Variants in TNFRSF21 observed in about 807,000 individuals in gnomAD.
TNFRSF21 encodes TNF receptor superfamily member 21.
In TNFRSF21, 19 loss-of-function variants were observed where a neutral mutation model predicts 45.6. That is an observed-to-expected ratio of 0.42 (90% CI 0.29 to 0.61). The LOEUF is 0.61. TNFRSF21 is among the 20% of genes least tolerant of loss of function. The pLI is 0.23. For synonymous variants in TNFRSF21, 314 were observed against 335.5 expected (o/e 0.94, Z 0.70); for missense variants, 737 against 851.5 (o/e 0.87, Z 1.67).
rs540713686 is a variant in TNFRSF21 at position 47,277,244 on chromosome 6, C to T, written c.1243+6694G>A. On this transcript the variant is annotated intron_variant, in intron 3 of 5. Transcript: ENST00000296861. ...CTGACCTCAAATGATCGGCCTGCCTCGGCCTCCAAAGTGCTGGGATTACAG... is the reference window on the plus strand; with the variant it reads ...CTGACCTCAAATGATCGGCCTGCCTTGGCCTCCAAAGTGCTGGGATTACAG... Among the ~76,000 whole-genome samples, 9 of 152,326 alleles carry T rather than the reference C, an allele frequency of 5.9e-5. No homozygotes were observed. In the East Asian group the frequency reaches 1.4e-3, roughly 23 times the overall value.
intron 1 of TNFRSF21, among the ~76,000 whole-genome samples, chr6:47,299,312 T>G (rs1702929472): frequency 6.6e-6 from 1 of 151,944 alleles, no homozygotes; most frequent in Admixed American, 6.6e-5. Flanking sequence ...ATGGCCAACA[T>G]GGTGAAACCC....
intron 3 of TNFRSF21, among the ~76,000 whole-genome samples, chr6:47,275,216 T>G (rs182541932): frequency 2.6e-5 from 4 of 152,292 alleles, no homozygotes; most frequent in East Asian, 3.9e-4. Flanking sequence ...ATATGTTTAT[T>G]GCAGCACTAT....
chr6:47,300,314 T>C (rs1292103354), intron 1 of TNFRSF21, among the ~76,000 whole-genome samples: 1 of 152,186 alleles, frequency 6.6e-6, no homozygotes, highest in Non-Finnish European at 1.5e-5. Flanking sequence ...CCTTGATCAC[T>C]GCTTTCAATA....
intron 4 of TNFRSF21, among the ~76,000 whole-genome samples, chr6:47,238,595 C>A (rs1204496775): frequency 3.9e-5 from 6 of 152,192 alleles, no homozygotes; most frequent in Admixed American, 3.9e-4. Flanking sequence ...AGTTTCCATG[C>A]AAACACACTT....
At chr6:47,237,401 G>A (rs1021766678) in intron 4 of TNFRSF21, among the ~76,000 whole-genome samples, 4 of 152,164 alleles carry the variant, frequency 2.6e-5, no homozygotes, top group African/African-American at 7.2e-5. Flanking sequence ...TGTTACTTCT[G>A]CTTTCTAATC....
rs575589060 is a variant in TNFRSF21, at chr6:47,287,781, C to A, written c.97-1186G>T. On this transcript the variant is annotated intron_variant, in intron 1 of 5. Coordinates refer to ENST00000296861, the MANE Select transcript of TNFRSF21 (RefSeq NM_014452.5). The stretch of plus-strand genomic sequence containing the variant: ...TTATAAAAGTGAATATTCAAATAGC[C>A]AATAAAGGACAAAAACGTAAAACTT... Among the ~76,000 whole-genome samples, 4 of 152,006 alleles carry A rather than the reference C, an allele frequency of 2.6e-5. No homozygotes were observed. In the South Asian group the frequency reaches 8.3e-4, roughly 32 times the overall value.
At chr6:47,272,306 A>G (rs1336497580) in intron 3 of TNFRSF21, among the ~76,000 whole-genome samples, 1 of 152,210 alleles carries the variant, frequency 6.6e-6, no homozygotes, top group African/African-American at 2.4e-5. Flanking sequence ...AGAAATCACA[A>G]CAAACTGTCT....
intron 2 of TNFRSF21, 53 bp downstream of exon 2, chr6:47,285,889 ACC>A: frequency 3.2e-6 from 5 of 1,568,656 alleles, no homozygotes; most frequent in Non-Finnish European, 4.3e-6. Flanking sequence ...CACTCTTGGT[ACC>A]TCCACTGGGC....
rs1013686154 is a variant in TNFRSF21 at position 47,234,696 on chromosome 6, C to T, written c.1712G>A (p.Ser571Asn). 5.6e-6 allele frequency: 9 copies of T among 1,610,652 alleles called. No homozygotes were observed. Among genetic ancestry groups the T allele is most frequent in the Non-Finnish European group, 7.6e-6 (9 of 1,178,618 alleles). The change falls in exon 5 of 6, where the codon AGC becomes AAC. Residue 571 changes from serine to asparagine, a missense_variant. Ser to Asn is a conservative substitution (Grantham distance 46). Coordinates refer to ENST00000296861, the MANE Select transcript of TNFRSF21 (RefSeq NM_014452.5). Reference sequence around the variant, plus strand: ...TTTGGTAATAAAGGAACCGTTCCTGCTCAGCGCGGAGGAGCCGCTGGATGT... The same window carrying T: ...TTTGGTAATAAAGGAACCGTTCCTGTTCAGCGCGGAGGAGCCGCTGGATGT... Reference protein sequence around the residue: ...DSTSSGSSALSRNGSFITKEK... With the variant: ...DSTSSGSSALNRNGSFITKEK...
intron 3 of TNFRSF21, 124 bp from the exon 4 acceptor site, chr6:47,253,645 ATGCAT>A (rs1368234009): frequency 8.7e-7 from 1 of 1,154,484 alleles, no homozygotes; most frequent in African/African-American, 1.5e-5. Context: ...TGTCAAAGGA[ATGCAT>A]TGCCTCCCTT....
intron 4 of TNFRSF21, among the ~76,000 whole-genome samples, chr6:47,248,795 AC>A (rs1764857819): frequency 6.6e-6 from 1 of 152,114 alleles, no homozygotes; most frequent in East Asian, 1.9e-4. Flanking sequence ...CATCTAAAAG[AC>A]CCATTATGTG....
chr6:47,251,727 G>T (rs924327034), intron 4 of TNFRSF21, among the ~76,000 whole-genome samples: 3 of 152,146 alleles, frequency 2.0e-5, no homozygotes, highest in African/African-American at 7.2e-5. Flanking sequence ...GCGTGGCAAT[G>T]CTTTGCCTCT....
intron 4 of TNFRSF21, among the ~76,000 whole-genome samples, chr6:47,251,525 C>T (rs965856309): frequency 8.5e-5 from 13 of 152,132 alleles, no homozygotes; most frequent in Admixed American, 5.2e-4. Flanking sequence ...GACATGCACT[C>T]TCACCTTCTT....
intron 4 of TNFRSF21, among the ~76,000 whole-genome samples, chr6:47,247,913 G>A (rs1449567753): frequency 6.6e-6 from 1 of 152,164 alleles, no homozygotes; most frequent in Non-Finnish European, 1.5e-5. Context: ...CATTGGCGGT[G>A]GGTCCACTGG....
At chr6:47,260,061 C>T (rs1301144927) in intron 3 of TNFRSF21, among the ~76,000 whole-genome samples, 13 of 152,104 alleles carry the variant, frequency 8.5e-5, no homozygotes, top group Admixed American at 3.3e-4. Context: ...CAGTACAATT[C>T]GGCTCTGCTT....
intron 1 of TNFRSF21, among the ~76,000 whole-genome samples, chr6:47,292,418 C>T (rs1368836478): frequency 2.0e-5 from 3 of 151,986 alleles, no homozygotes; most frequent in African/African-American, 7.2e-5. Context: ...ATCTGGATCA[C>T]TGTGGGTCTG....
At chr6:47,292,271 GTCAAGATCCTTAAT>G (rs1253389818) in intron 1 of TNFRSF21, among the ~76,000 whole-genome samples, 1 of 151,996 alleles carries the variant, frequency 6.6e-6, no homozygotes, top group African/African-American at 2.4e-5. Context: ...GTCCTACCTG[GTCAAGATCCTTAAT>G]TCCTTCACTT....
At chr6:47,247,646 C>A (rs368622692) in intron 4 of TNFRSF21, among the ~76,000 whole-genome samples, 26 of 152,284 alleles carry the variant, frequency 1.7e-4, no homozygotes, top group African/African-American at 6.0e-4. Context: ...GCAGCAGAGG[C>A]AGGAGTGCTG....
At position 47,254,087 on chromosome 6, in the gene TNFRSF21, A is replaced by G. The variant is rs116569962; in HGVS notation, c.1244-566T>C. On this transcript the variant is annotated intron_variant, in intron 3 of 5. Coordinates refer to ENST00000296861, the MANE Select transcript of TNFRSF21 (RefSeq NM_014452.5). ...AAGGAAGCACTTTATGGCCGCTGGC[A>G]TATCCAAATTATCAGCATCACTCCT... 3.7e-3 allele frequency among the ~76,000 whole-genome samples: 562 copies of G among 152,338 alleles called. 5 individuals are homozygous for G. The highest frequency in any genetic ancestry group is 0.031 in the East Asian group (161 of 5,186).
Sources: gnomAD v4.1 joint callset for allele counts (sites outside exome capture counted in the v4.1 genomes callset) on GRCh38, gnomAD v4.1.1 for gene constraint, MANE v1.5 for transcripts, NCBI Gene and HGNC (gene_info 2026-07-23, HGNC 2026-07-21) for gene names.